The following RORA variants were observed in gnomAD, a reference collection of about 807,000 sequenced individuals.
RORA encodes RAR related orphan receptor A.
RORA carries 7 observed loss-of-function variants against 69.5 expected under a neutral mutation model. The observed-to-expected ratio is 0.10, with a 90% CI of 0.06 to 0.19. The LOEUF (loss-of-function observed/expected upper bound fraction) is 0.19, where lower values mean the gene tolerates loss of function less well. Among genes scored for constraint, RORA ranks in the 10% least tolerant of loss-of-function variants. The probability of loss-of-function intolerance (pLI) is 1.00; values close to 1 mark genes in which losing one functional copy is unlikely to be tolerated. For missense variants in RORA, 457 were observed against 663.0 expected, an observed-to-expected ratio of 0.69 and a Z score of 3.41; for synonymous variants, 261 against 240.8, an observed-to-expected ratio of 1.08 and a Z score of -0.78.
At chr15:61,103,895 G>C (rs1400425621) in intron 1 of RORA, among the ~76,000 whole-genome samples, 1 of 151,808 alleles carries the variant, frequency 6.6e-6, no homozygotes, top group African/African-American at 2.4e-5. Flanking sequence ...AAGAGAACCA[G>C]CAACAAACTC....
chr15:60,619,158 G>A (rs1214659999), intron 2 of RORA, among the ~76,000 whole-genome samples: 1 of 152,190 alleles, frequency 6.6e-6, no homozygotes, highest in Admixed American at 6.5e-5. Flanking sequence ...TTACTGTAAT[G>A]TTTCATAATG....
chr15:61,126,773 T>C (rs1197570961), intron 1 of RORA, among the ~76,000 whole-genome samples: 1 of 152,292 alleles, frequency 6.6e-6, no homozygotes, highest in East Asian at 1.9e-4. Flanking sequence ...AGGACCTCCC[T>C]ATTGGAACTC....
At chr15:61,215,424 T>A (rs987919412) in intron 1 of RORA, among the ~76,000 whole-genome samples, 1 of 152,202 alleles carries the variant, frequency 6.6e-6, no homozygotes, top group Non-Finnish European at 1.5e-5. Flanking sequence ...AAATACCAGT[T>A]AATAGGGGTT....
chr15:60,877,082 C>T (rs959615511), intron 1 of RORA, among the ~76,000 whole-genome samples: 1 of 152,052 alleles, frequency 6.6e-6, no homozygotes, highest in African/African-American at 2.4e-5. Context: ...TACTTGTACA[C>T]CTGAACTTAA....
intron 1 of RORA, among the ~76,000 whole-genome samples, chr15:60,721,098 T>C (rs1342618796): frequency 1.3e-5 from 2 of 152,124 alleles, no homozygotes; most frequent in Non-Finnish European, 2.9e-5. Context: ...ACAACCTCCT[T>C]TCCTGGGGTA....
intron 1 of RORA, among the ~76,000 whole-genome samples, chr15:60,841,297 C>A (rs2073194275): frequency 6.6e-6 from 1 of 152,182 alleles, no homozygotes; most frequent in African/African-American, 2.4e-5. Context: ...GAATCTAGGG[C>A]TGAGTGATTG....
At chr15:61,164,509 T>A (rs1169597248) in intron 1 of RORA, among the ~76,000 whole-genome samples, 2 of 152,204 alleles carry the variant, frequency 1.3e-5, no homozygotes, top group African/African-American at 2.4e-5. Flanking sequence ...ATGAAAAGGC[T>A]AGAACGGTTT....
At chr15:60,704,260 G>C (rs1445206771) in intron 1 of RORA, among the ~76,000 whole-genome samples, 1 of 152,206 alleles carries the variant, frequency 6.6e-6, no homozygotes, top group Non-Finnish European at 1.5e-5. Flanking sequence ...TTCATGGTTT[G>C]GTTTGGAGGT....
chr15:60,659,616 A>G (rs2070273457), intron 2 of RORA, among the ~76,000 whole-genome samples: 1 of 152,212 alleles, frequency 6.6e-6, no homozygotes, highest in African/African-American at 2.4e-5. Flanking sequence ...ATCATCGTTG[A>G]CTGCCTGAAC....
At chr15:61,021,216 C>T (rs1895505242) in intron 1 of RORA, among the ~76,000 whole-genome samples, 1 of 152,196 alleles carries the variant, frequency 6.6e-6, no homozygotes, top group Non-Finnish European at 1.5e-5. Context: ...AAATGGGTCA[C>T]ATGGCTACAG....
At chr15:60,549,659 G>A (rs765348546) in intron 2 of RORA, among the ~76,000 whole-genome samples, 2 of 152,160 alleles carry the variant, frequency 1.3e-5, no homozygotes, top group Non-Finnish European at 2.9e-5. Context: ...GGAGGATCTG[G>A]TGATACTCAT....
chr15:61,079,314 GATCA>G (rs1438606382), intron 1 of RORA, among the ~76,000 whole-genome samples: 3 of 152,138 alleles, frequency 2.0e-5, no homozygotes, highest in South Asian at 2.1e-4. Context: ...ACTATTAATA[GATCA>G]ATTAAGGAGA....
chr15:60,753,055 G>C (rs2071749859), intron 1 of RORA, among the ~76,000 whole-genome samples: 1 of 152,214 alleles, frequency 6.6e-6, no homozygotes. Context: ...AAATAAAGCA[G>C]AGGCAAATAT....
chr15:60,956,681 A>G (rs1893276043), intron 1 of RORA, among the ~76,000 whole-genome samples: 1 of 152,264 alleles, frequency 6.6e-6, no homozygotes, highest in Admixed American at 6.5e-5. Flanking sequence ...GATGACTTAT[A>G]TGAAGTGTTT....
At chr15:61,025,363 G>C (rs756069753) in intron 1 of RORA, among the ~76,000 whole-genome samples, 1 of 152,128 alleles carries the variant, frequency 6.6e-6, no homozygotes, top group African/African-American at 2.4e-5. Context: ...TCCCTTCAAG[G>C]GCTGTGGTCC....
rs112675469 is a variant in RORA, at chr15:61,067,356, G to T, written c.166+161697C>A. On this transcript the variant is annotated intron_variant, in intron 1 of 10. Transcript: ENST00000335670. ...CCTGACCTTGTGATCCGCCCGCCTC[G>T]GCCTCCCAAAGTGCTGGGATTACAG... Among the ~76,000 whole-genome samples, 208 of 151,864 alleles carry T rather than the reference G, an allele frequency of 1.4e-3. 1 individual carries two copies. Among genetic ancestry groups the T allele is most frequent in the Non-Finnish European group, 1.7e-3 (118 of 67,940 alleles).
rs1334527399 is a variant in RORA at position 61,226,727 on chromosome 15, C to T, written c.166+2326G>A. On this transcript the variant is annotated intron_variant, in intron 1 of 10. Transcript: ENST00000335670. This position sits in a 1 kb window ranked among gnomAD's most constrained non-coding sequence, Gnocchi z 4.2. ...TGTGTTAGCTAAAGGATGCCTCCATCTCTGACCTTCCTTTTTCCATTCAGA... is the reference window on the plus strand; with the variant it reads ...TGTGTTAGCTAAAGGATGCCTCCATTTCTGACCTTCCTTTTTCCATTCAGA... 6.6e-6 allele frequency among the ~76,000 whole-genome samples: 1 copy of T among 152,228 alleles called. No homozygotes were observed.
intron 1 of RORA, among the ~76,000 whole-genome samples, chr15:60,838,843 AAC>A (rs58762022): frequency 0.013 from 1,585 of 122,080 alleles, 21 homozygotes; most frequent in African/African-American, 0.04. Flanking sequence ...ACATTCATTC[AAC>A]ACACACACAC....
At chr15:61,165,502 CTT>C (rs770410201) in intron 1 of RORA, among the ~76,000 whole-genome samples, 1 of 152,196 alleles carries the variant, frequency 6.6e-6, no homozygotes, top group Non-Finnish European at 1.5e-5. Context: ...TTTCAAAACT[CTT>C]TGTCTTTTTT....
Sources: gnomAD v4.1 joint callset for allele counts (sites outside exome capture counted in the v4.1 genomes callset) on GRCh38, gnomAD v4.1.1 for gene constraint, Gnocchi (gnomAD v3.1) non-coding constraint, MANE v1.5 for transcripts, NCBI Gene and HGNC (gene_info 2026-07-23, HGNC 2026-07-21) for gene names.